VWA8: variants seen among roughly 807,000 people sequenced by gnomAD.
VWA8 encodes von Willebrand factor A domain containing 8, also known as von Willebrand factor A domain-containing protein 8.
In VWA8, 221 loss-of-function variants were observed where a neutral mutation model predicts 241.5. The observed-to-expected ratio is 0.91, with a 90% CI of 0.82 to 1.02. VWA8 has a LOEUF of 1.02. Among genes scored for constraint, VWA8 ranks in the 50% least tolerant of loss-of-function variants. The pLI, the probability that VWA8 is intolerant of heterozygous loss-of-function variation, is 0.00. For missense variants in VWA8, 2,322 were observed against 2,328.7 expected (o/e 1.00, Z 0.06); for synonymous variants, 852 against 827.1 (o/e 1.03, Z -0.52).
At chr13:41,752,065 A>G (rs2137893971) in intron 21 of VWA8, among the ~76,000 whole-genome samples, 1 of 152,240 alleles carries the variant, frequency 6.6e-6, no homozygotes, top group Non-Finnish European at 1.5e-5. Flanking sequence ...CACCCTCCAC[A>G]TAGTTATAAA....
At chr13:41,792,132 A>G (rs1406598118) in intron 17 of VWA8, among the ~76,000 whole-genome samples, 2 of 151,976 alleles carry the variant, frequency 1.3e-5, no homozygotes, top group Non-Finnish European at 2.9e-5. Flanking sequence ...GGTCATTTGA[A>G]TTATTTAAAC....
chr13:41,704,978 G>T (rs1248437270), intron 26 of VWA8, among the ~76,000 whole-genome samples: 1 of 152,144 alleles, frequency 6.6e-6, no homozygotes, highest in Admixed American at 6.5e-5. Flanking sequence ...GTAAAAAGTA[G>T]TCTGACATAA....
At chr13:41,840,548 A>C (rs1326239771) in intron 12 of VWA8, among the ~76,000 whole-genome samples, 1 of 152,098 alleles carries the variant, frequency 6.6e-6, no homozygotes, top group African/African-American at 2.4e-5. Flanking sequence ...GCTTGAGCTC[A>C]GGAGTTCAAG....
intron 14 of VWA8, among the ~76,000 whole-genome samples, chr13:41,830,192 G>A (rs1389132161): frequency 1.3e-5 from 2 of 149,108 alleles, no homozygotes; most frequent in Non-Finnish European, 3.0e-5. Context: ...GCAATGAGCC[G>A]AGATTGCGCC....
chr13:41,795,808 G>T (rs1172322886), intron 17 of VWA8, among the ~76,000 whole-genome samples: 1 of 152,080 alleles, frequency 6.6e-6, no homozygotes, highest in Non-Finnish European at 1.5e-5. Context: ...GGGCGGGTAG[G>T]GGGAGAGCAT....
chr13:41,864,118 C>G (rs924744962), intron 12 of VWA8, among the ~76,000 whole-genome samples: 1 of 147,798 alleles, frequency 6.8e-6, no homozygotes, highest in Non-Finnish European at 1.5e-5. Context: ...ATTACCACTT[C>G]GCAGCCATTA....
intron 40 of VWA8, 36 bp from the exon 41 acceptor site, chr13:41,590,801 T>A (rs766121925): frequency 2.5e-6 from 4 of 1,609,682 alleles, no homozygotes; most frequent in Non-Finnish European, 3.4e-6. Flanking sequence ...AAAGCCTTAA[T>A]TAGTTATGCA....
chr13:41,835,976 T>G (rs757276976), intron 12 of VWA8, among the ~76,000 whole-genome samples: 1 of 152,168 alleles, frequency 6.6e-6, no homozygotes. Context: ...GGGGAACTTT[T>G]GAAACATATA....
At chr13:41,921,708 C>T (rs932366917) in intron 2 of VWA8, among the ~76,000 whole-genome samples, 7 of 152,076 alleles carry the variant, frequency 4.6e-5, no homozygotes, top group African/African-American at 1.4e-4. Context: ...AATAAAATAC[C>T]TAGGAATCCA....
chr13:41,937,979 G>A (rs1272701777), intron 2 of VWA8, among the ~76,000 whole-genome samples: 1 of 151,820 alleles, frequency 6.6e-6, no homozygotes, highest in Non-Finnish European at 1.5e-5. Flanking sequence ...TGGCCAACAC[G>A]GTGAAACCCT....
At chr13:41,872,138 C>T (rs1873658931) in intron 9 of VWA8, among the ~76,000 whole-genome samples, 1 of 152,158 alleles carries the variant, frequency 6.6e-6, no homozygotes, top group East Asian at 1.9e-4. Flanking sequence ...CCTTCACCCA[C>T]TTTTTGATGG....
intron 17 of VWA8, among the ~76,000 whole-genome samples, chr13:41,793,856 T>G (rs907798747): frequency 6.6e-6 from 1 of 152,178 alleles, no homozygotes; most frequent in Non-Finnish European, 1.5e-5. Context: ...ATTTGCTGCA[T>G]GTGGCTAGCC....
At chr13:41,881,389 G>C (rs1377090194) in intron 9 of VWA8, among the ~76,000 whole-genome samples, 2 of 40,122 alleles carry the variant, frequency 5.0e-5, no homozygotes, top group Non-Finnish European at 1.0e-4. Context: ...GGGGGGGGGG[G>C]GGTAAGGTCA....
intron 16 of VWA8, among the ~76,000 whole-genome samples, chr13:41,813,922 C>T (rs1870579164): frequency 6.6e-6 from 1 of 152,030 alleles, no homozygotes; most frequent in Non-Finnish European, 1.5e-5. Flanking sequence ...GCACATTCCC[C>T]TAGTTACCAT....
intron 40 of VWA8, among the ~76,000 whole-genome samples, chr13:41,597,725 T>C (rs1425930278): frequency 6.6e-6 from 1 of 152,124 alleles, no homozygotes; most frequent in Non-Finnish European, 1.5e-5. Flanking sequence ...AGGCATCTTA[T>C]ACTTCACAAG....
At chr13:41,796,957 T>C (rs1044494074) in intron 17 of VWA8, among the ~76,000 whole-genome samples, 2 of 152,190 alleles carry the variant, frequency 1.3e-5, no homozygotes, top group Admixed American at 1.3e-4. Flanking sequence ...TTGCTATGAA[T>C]TCTGTTGCTT....
intron 20 of VWA8, among the ~76,000 whole-genome samples, chr13:41,773,804 A>G (rs927947372): frequency 2.6e-5 from 4 of 152,376 alleles, no homozygotes; most frequent in Admixed American, 2.0e-4. Flanking sequence ...TGATTTAATT[A>G]GCTAAATACT....
chr13:41,717,326 T>A (rs1418481920), intron 26 of VWA8, among the ~76,000 whole-genome samples: 5 of 151,866 alleles, frequency 3.3e-5, no homozygotes, highest in African/African-American at 1.2e-4. Context: ...TATTTTAAAA[T>A]ATTTTTAAAA....
At chr13:41,659,691 A>G (rs771147960) in intron 37 of VWA8, among the ~76,000 whole-genome samples, 43 of 152,186 alleles carry the variant, frequency 2.8e-4, no homozygotes, top group Admixed American at 5.2e-4. Flanking sequence ...TCTGATCTCA[A>G]CATAAATACA....
Sources: gnomAD v4.1 joint callset for allele counts (sites outside exome capture counted in the v4.1 genomes callset) on GRCh38, gnomAD v4.1.1 for gene constraint, MANE v1.5 for transcripts, NCBI Gene and HGNC (gene_info 2026-07-23, HGNC 2026-07-21) for gene names.